GABRG1: variants seen among roughly 807,000 people sequenced by gnomAD.
The protein encoded by GABRG1 is gamma-aminobutyric acid receptor subunit gamma-1.
GABRG1 carries 49 observed loss-of-function variants against 49.8 expected under a neutral mutation model. That is an observed-to-expected ratio of 0.98 (90% confidence interval 0.78 to 1.25). GABRG1 has a LOEUF of 1.25. Among genes scored for constraint, GABRG1 ranks in the 50% most tolerant of loss-of-function variants. The pLI, the probability that GABRG1 is intolerant of heterozygous loss-of-function variation, is 0.00. For missense variants in GABRG1, 552 were observed against 552.3 expected, an observed-to-expected ratio of 1.00 and a Z score of 0.01; for synonymous variants, 232 against 185.1, an observed-to-expected ratio of 1.25 and a Z score of -2.06.
At chr4:46,101,791 T>C (rs1720388423) in intron 1 of GABRG1, among the ~76,000 whole-genome samples, 1 of 151,834 alleles carries the variant, frequency 6.6e-6, no homozygotes, top group African/African-American at 2.4e-5. Flanking sequence ...CATCTATTGC[T>C]TGTTAAGAGT....
chr4:46,066,967 A>G (rs1463748793), intron 3 of GABRG1, among the ~76,000 whole-genome samples: 1 of 151,882 alleles, frequency 6.6e-6, no homozygotes, highest in Non-Finnish European at 1.5e-5. Context: ...GTAAATTGAA[A>G]AATAGGTATT....
chr4:46,120,894 T>C (rs1448497711), intron 1 of GABRG1, among the ~76,000 whole-genome samples: 2 of 151,756 alleles, frequency 1.3e-5, no homozygotes, highest in African/African-American at 4.8e-5. Context: ...AGCTAAAATA[T>C]CTTTTTAAAT....
chr4:46,110,576 T>C (rs975362067), intron 1 of GABRG1, among the ~76,000 whole-genome samples: 2 of 151,006 alleles, frequency 1.3e-5, no homozygotes, highest in Non-Finnish European at 3.0e-5. Context: ...GCAAATATCC[T>C]TGATGAACAT....
intron 1 of GABRG1, among the ~76,000 whole-genome samples, chr4:46,107,074 T>C (rs1354538408): frequency 6.6e-6 from 1 of 151,324 alleles, no homozygotes; most frequent in Non-Finnish European, 1.5e-5. Context: ...CCAATTATAT[T>C]CTTCAAGTTA....
At chr4:46,048,628 G>A (rs558289305) in intron 8 of GABRG1, among the ~76,000 whole-genome samples, 10 of 144,086 alleles carry the variant, frequency 6.9e-5, no homozygotes, top group South Asian at 4.5e-4. Context: ...GAAGGGAAGC[G>A]AAGGGAAGGA....
chr4:46,100,732 G>GT (rs67783537), intron 1 of GABRG1, among the ~76,000 whole-genome samples: 412 of 130,106 alleles, frequency 3.2e-3, no homozygotes, highest in South Asian at 0.012. Context: ...AGCTTTTTCT[G>GT]TTTTTTTTTT....
At chr4:46,107,455 CATT>C (rs1720588407) in intron 1 of GABRG1, among the ~76,000 whole-genome samples, 1 of 151,016 alleles carries the variant, frequency 6.6e-6, no homozygotes, top group Admixed American at 6.6e-5. Context: ...ACACCATCCT[CATT>C]GTTACTCAGT....
chr4:46,106,387 T>G (rs889665930), intron 1 of GABRG1, among the ~76,000 whole-genome samples: 2 of 151,442 alleles, frequency 1.3e-5, no homozygotes, highest in African/African-American at 4.8e-5. Context: ...CATTGGTTTG[T>G]TTGGTTTGTC....
intron 2 of GABRG1, among the ~76,000 whole-genome samples, chr4:46,090,518 T>C (rs915114278): frequency 1.3e-5 from 2 of 152,042 alleles, no homozygotes; most frequent in African/African-American, 4.8e-5. Context: ...TAGGGAACTA[T>C]ATATAGTTCT....
chr4:46,123,864 T>C lies in GABRG1; in HGVS notation c.50A>G (p.Gln17Arg), dbSNP rs777215370. 2.5e-6 allele frequency: 4 copies of C among 1,613,732 alleles called. No homozygotes were observed. Among genetic ancestry groups the C allele is most frequent in the East Asian group, 2.2e-5 (1 of 44,842 alleles). The change falls in exon 1 of 9, where the codon CAA becomes CGA. Residue 17 changes from glutamine (Q) to arginine (R), a missense_variant. Gln to Arg is a conservative substitution (Grantham distance 43). Coordinates refer to ENST00000295452, the MANE Select transcript of GABRG1 (RefSeq NM_173536.4). Reference sequence around the variant, plus strand: ...GAAGACCAACCTCACCCCTCTACTTTGACTCCGCAGAAGAAAAGGGGAGAA... The same window carrying C: ...GAAGACCAACCTCACCCCTCTACTTCGACTCCGCAGAAGAAAAGGGGAGAA... ...FLFSPFLLRS[Q>R]SRGVRLVFLL...
chr4:46,121,372 T>G (rs2109449474), intron 1 of GABRG1, among the ~76,000 whole-genome samples: 1 of 152,066 alleles, frequency 6.6e-6, no homozygotes, highest in African/African-American at 2.4e-5. Flanking sequence ...CAACTAAATA[T>G]TAAAAGGATA....
chr4:46,038,500 G>C lies in GABRG1; in HGVS notation c.*2488C>G, dbSNP rs1370296076. 6.6e-6 allele frequency: 1 copy of C among 151,402 alleles called. No individual in the cohort carries two copies. The highest frequency in any genetic ancestry group is 1.9e-4 in the East Asian group (1 of 5,170). The allele number at this position is 151,402 out of a possible 1,614,324, so 9.4% of individuals were successfully genotyped here. A position where few individuals can be genotyped will look rare whatever the true frequency, so the allele number is the denominator to read the frequency against. ...CATTGAAAGCATCCAGGAAAATCAA[G>C]TTCCAATAAATTCAATAAATTATTA... On this transcript the variant is annotated 3_prime_UTR_variant, in exon 9 of 9. Transcript: ENST00000295452.
intron 3 of GABRG1, among the ~76,000 whole-genome samples, chr4:46,071,305 A>T (rs1270705608): frequency 6.6e-6 from 1 of 151,712 alleles, no homozygotes; most frequent in Non-Finnish European, 1.5e-5. Flanking sequence ...ATACACACAC[A>T]GACACAACAA....
intron 7 of GABRG1, among the ~76,000 whole-genome samples, chr4:46,056,785 A>ATT (rs1327538107): frequency 6.6e-6 from 1 of 152,122 alleles, no homozygotes; most frequent in African/African-American, 2.4e-5. Context: ...GTGCATGTAT[A>ATT]TTTAAAGCAA....
chr4:46,107,317 T>G (rs1425725070), intron 1 of GABRG1, among the ~76,000 whole-genome samples: 1 of 151,316 alleles, frequency 6.6e-6, no homozygotes, highest in Admixed American at 6.6e-5. Context: ...AATTGAATAA[T>G]ATATATGTTC....
chr4:46,100,820 A>G (rs1009233750), intron 1 of GABRG1, among the ~76,000 whole-genome samples: 1 of 150,684 alleles, frequency 6.6e-6, no homozygotes, highest in Non-Finnish European at 1.5e-5. Context: ...GGTAGTAGAG[A>G]GGTAATATGA....
intron 1 of GABRG1, among the ~76,000 whole-genome samples, chr4:46,105,936 C>G (rs1720522466): frequency 6.6e-6 from 1 of 151,362 alleles, no homozygotes; most frequent in African/African-American, 2.4e-5. Context: ...CTATTTCAAC[C>G]AATTAGATGG....
chr4:46,123,819 A>G lies in GABRG1; in HGVS notation c.95T>C (p.Leu32Ser). Residue 32 changes from leucine (L) to serine (S), a missense_variant, in exon 1 of 9, where the codon TTG becomes TCG. Transcript: ENST00000295452. ...CCCTGAATTTACTCACCAGTTTCCC[A>G]AATGCAGGGTCAGTAACAAGAAGAC... ...RLVFLLLTLH[L>S]GNCVDKADDE... 6.2e-7 allele frequency: 1 copy of G among 1,612,952 alleles called. No individual in the cohort carries two copies. The highest frequency in any genetic ancestry group is 8.5e-7 in the Non-Finnish European group (1 of 1,179,100).
chr4:46,062,315 G>A (rs1182519995), intron 5 of GABRG1, among the ~76,000 whole-genome samples: 5 of 151,768 alleles, frequency 3.3e-5, no homozygotes, highest in Non-Finnish European at 7.4e-5. Flanking sequence ...TTGCTATTGT[G>A]AATAGTGCCG....
Sources: gnomAD v4.1 joint callset for allele counts (sites outside exome capture counted in the v4.1 genomes callset) on GRCh38, gnomAD v4.1.1 for gene constraint, MANE v1.5 for transcripts, NCBI Gene and HGNC (gene_info 2026-07-23, HGNC 2026-07-21) for gene names.